The following DACH1 variants were observed in gnomAD, a reference collection of about 807,000 sequenced individuals.
DACH1 encodes dachshund family transcription factor 1.
A neutral mutation model predicts 54.2 loss-of-function variants in DACH1; 12 were observed. The observed-to-expected ratio is 0.22, with a 90% CI of 0.14 to 0.36. DACH1 has a LOEUF of 0.36. DACH1 is among the 10% of genes least tolerant of loss of function. DACH1 has a pLI of 1.00. For missense variants in DACH1, 805 were observed against 929.8 expected (o/e 0.87, Z 1.75); for synonymous variants, 386 against 366.2 (o/e 1.05, Z -0.62).
At chr13:71,616,486 T>C (rs1875775847) in intron 3 of DACH1, among the ~76,000 whole-genome samples, 1 of 152,102 alleles carries the variant, frequency 6.6e-6, no homozygotes, top group South Asian at 2.1e-4. Flanking sequence ...GTGGCTCACA[T>C]CAGTAATCCC....
chr13:71,444,448 C>T (rs1223732245), intron 10 of DACH1, among the ~76,000 whole-genome samples: 2 of 151,992 alleles, frequency 1.3e-5, no homozygotes, highest in Non-Finnish European at 2.9e-5. Context: ...TAGGATTAAA[C>T]AGAGGGAACC....
intron 3 of DACH1, among the ~76,000 whole-genome samples, chr13:71,622,788 C>T (rs1311830918): frequency 1.3e-5 from 2 of 151,644 alleles, no homozygotes; most frequent in Non-Finnish European, 3.0e-5. Flanking sequence ...GATATAGTGT[C>T]AAATAAAATC....
At chr13:71,487,368 A>T (rs186422837) in intron 7 of DACH1, among the ~76,000 whole-genome samples, 2 of 152,124 alleles carry the variant, frequency 1.3e-5, no homozygotes, top group Non-Finnish European at 2.9e-5. Flanking sequence ...TAAAATGTGT[A>T]CATTTTAAAG....
At chr13:71,527,711 C>T (rs1390945611) in intron 6 of DACH1, among the ~76,000 whole-genome samples, 1 of 152,154 alleles carries the variant, frequency 6.6e-6, no homozygotes, top group Non-Finnish European at 1.5e-5. Context: ...AACATTTGGT[C>T]TGGCTTAAAT....
At position 71,866,951 on chromosome 13, in the gene DACH1, G is replaced by T; in HGVS notation, c.-182C>A. ...AAAGGAGGTGAAGGTAATAAAGAGC[G>T]AGCGCAAGAGGGGCGAGCACGAGAG... On this transcript the variant is annotated 5_prime_UTR_variant, in exon 1 of 11. Transcript: ENST00000613252. The T allele has an allele frequency of 2.1e-6, 1 of 469,524 alleles. No homozygotes were observed. Among genetic ancestry groups the T allele is most frequent in the Non-Finnish European group, 3.4e-6 (1 of 291,416 alleles). The allele number at this position is 469,524 out of a possible 1,614,324, so 29.1% of individuals were successfully genotyped here.
intron 6 of DACH1, among the ~76,000 whole-genome samples, chr13:71,537,157 C>G (rs546028194): frequency 6.6e-6 from 1 of 152,150 alleles, no homozygotes; most frequent in South Asian, 2.1e-4. Context: ...AGGATTCATG[C>G]CAGTTTCATC....
intron 5 of DACH1, among the ~76,000 whole-genome samples, chr13:71,558,004 G>A (rs1406940286): frequency 6.6e-6 from 1 of 151,426 alleles, no homozygotes; most frequent in Non-Finnish European, 1.5e-5. Flanking sequence ...AAATATTGGT[G>A]GGAAAACCAG....
chr13:71,498,700 T>C (rs1879654411), intron 6 of DACH1, among the ~76,000 whole-genome samples: 1 of 150,788 alleles, frequency 6.6e-6, no homozygotes, highest in Non-Finnish European at 1.5e-5. Context: ...GGCACTGAAT[T>C]TTGGGGAAGA....
chr13:71,792,605 C>T (rs1265161477), intron 1 of DACH1, among the ~76,000 whole-genome samples: 1 of 152,142 alleles, frequency 6.6e-6, no homozygotes, highest in Non-Finnish European at 1.5e-5. Context: ...ATTGAGAGTT[C>T]AACCTGGTCA....
intron 1 of DACH1, among the ~76,000 whole-genome samples, chr13:71,769,248 A>T (rs971059657): frequency 1.3e-5 from 2 of 151,120 alleles, no homozygotes; most frequent in East Asian, 1.9e-4. Context: ...TGCCTTTATA[A>T]TTTTTTTTTC....
chr13:71,508,319 T>G (rs1387374008), intron 6 of DACH1, among the ~76,000 whole-genome samples: 1 of 152,212 alleles, frequency 6.6e-6, no homozygotes, highest in African/African-American at 2.4e-5. Flanking sequence ...TCATCTGACT[T>G]GGGCTTCTGT....
At chr13:71,466,295 C>T (rs1876560562) in intron 10 of DACH1, among the ~76,000 whole-genome samples, 1 of 152,048 alleles carries the variant, frequency 6.6e-6, no homozygotes, top group Admixed American at 6.6e-5. Flanking sequence ...CTATTTAAGC[C>T]CAACCACAAA....
At chr13:71,825,139 G>A (rs1376382485) in intron 1 of DACH1, among the ~76,000 whole-genome samples, 3 of 151,890 alleles carry the variant, frequency 2.0e-5, no homozygotes, top group African/African-American at 4.8e-5. Flanking sequence ...CAAAAAAGAT[G>A]CTCTTAAATG....
chr13:71,676,751 T>A (rs540470967), intron 2 of DACH1, among the ~76,000 whole-genome samples: 1 of 152,312 alleles, frequency 6.6e-6, no homozygotes, highest in East Asian at 1.9e-4. Context: ...AATTCTAGAT[T>A]AATATTGCCC....
intron 1 of DACH1, among the ~76,000 whole-genome samples, chr13:71,744,877 T>C (rs934484726): frequency 2.6e-4 from 40 of 152,210 alleles, no homozygotes; most frequent in African/African-American, 8.4e-4. Flanking sequence ...CAGTTTTGTC[T>C]TGGGAGTCAA....
chr13:71,746,593 T>C (rs191089433), intron 1 of DACH1, among the ~76,000 whole-genome samples: 428 of 152,274 alleles, frequency 2.8e-3, no homozygotes, highest in Non-Finnish European at 4.4e-3. Context: ...CAACCTATTC[T>C]TTGCTGTGCT....
chr13:71,479,515 A>G (rs1008186278), intron 7 of DACH1, among the ~76,000 whole-genome samples, 199 bp from the exon 8 acceptor site: 4 of 152,190 alleles, frequency 2.6e-5, no homozygotes, highest in Admixed American at 1.3e-4. Flanking sequence ...CGGAAGACAA[A>G]TATTTATGGC....
chr13:71,544,072 G>T (rs756872935), intron 6 of DACH1, among the ~76,000 whole-genome samples: 1 of 152,026 alleles, frequency 6.6e-6, no homozygotes, highest in Admixed American at 6.6e-5. Flanking sequence ...CTCTTAATAC[G>T]ATAGTGATTT....
chr13:71,728,137 G>A (rs543657026), intron 1 of DACH1, among the ~76,000 whole-genome samples: 58 of 151,994 alleles, frequency 3.8e-4, no homozygotes, highest in African/African-American at 1.4e-3. Flanking sequence ...ATAGAAAAAC[G>A]GGAAAAACTA....
Sources: gnomAD v4.1 joint callset for allele counts (sites outside exome capture counted in the v4.1 genomes callset) on GRCh38, gnomAD v4.1.1 for gene constraint, MANE v1.5 for transcripts, NCBI Gene and HGNC (gene_info 2026-07-23, HGNC 2026-07-21) for gene names.